The following GABRG3 variants were observed in gnomAD, a reference collection of about 807,000 sequenced individuals.
The protein encoded by GABRG3 is gamma-aminobutyric acid receptor subunit gamma-3.
A neutral mutation model predicts 48.8 loss-of-function variants in GABRG3; 25 were observed. That is an observed-to-expected ratio of 0.51 (90% CI 0.37 to 0.72). GABRG3 has a LOEUF of 0.72. Ranked by LOEUF, GABRG3 falls within the 30% of genes least tolerant of loss-of-function variation. GABRG3 has a pLI of 0.00. For synonymous variants in GABRG3, 227 were observed against 217.6 expected (o/e 1.04, Z -0.38); for missense variants, 394 against 577.9 (o/e 0.68, Z 3.26).
chr15:27,167,089 T>A (rs117878907), intron 3 of GABRG3, among the ~76,000 whole-genome samples: 162 of 152,308 alleles, frequency 1.1e-3, no homozygotes, highest in Non-Finnish European at 1.9e-3. Flanking sequence ...AGGGGCTGTC[T>A]TCTCATGCCT....
At chr15:27,099,435 C>T (rs1249061660) in intron 3 of GABRG3, among the ~76,000 whole-genome samples, 1 of 152,050 alleles carries the variant, frequency 6.6e-6, no homozygotes, top group Non-Finnish European at 1.5e-5. Context: ...CATGGTTTCC[C>T]CTGTTTGTTT....
chr15:27,346,968 T>TTTGTTTGTTTG (rs1359450794), intron 5 of GABRG3, among the ~76,000 whole-genome samples: 1 of 151,224 alleles, frequency 6.6e-6, no homozygotes, highest in Non-Finnish European at 1.5e-5. Flanking sequence ...TACATTGATT[T>TTTGTTTGTTTG]TTGTTTGTTT....
chr15:27,500,467 G>A (rs1423845968), intron 6 of GABRG3, among the ~76,000 whole-genome samples: 1 of 152,170 alleles, frequency 6.6e-6, no homozygotes, highest in Non-Finnish European at 1.5e-5. Context: ...AGAAACAGCC[G>A]CACCTGTCAA....
chr15:27,346,627 C>T (rs1894382986), intron 5 of GABRG3, among the ~76,000 whole-genome samples: 1 of 59,592 alleles, frequency 1.7e-5, no homozygotes, highest in African/African-American at 7.1e-5. Flanking sequence ...TCTAGTCTTG[C>T]TTTTTTTGAT....
intron 5 of GABRG3, among the ~76,000 whole-genome samples, chr15:27,381,778 G>A (rs532327553): frequency 3.3e-5 from 5 of 152,140 alleles, no homozygotes; most frequent in African/African-American, 7.2e-5. Flanking sequence ...TTTCTTATAC[G>A]TAGGATCCAA....
At chr15:27,053,588 G>C in intron 3 of GABRG3, among the ~76,000 whole-genome samples, 1 of 152,156 alleles carries the variant, frequency 6.6e-6, no homozygotes, top group East Asian at 1.9e-4. Context: ...ATTTCTCAAA[G>C]AAGTAAAAAC....
intron 5 of GABRG3, chr15:27,363,326 AAG>A (rs1277815778): frequency 6.6e-6 from 1 of 152,236 alleles, no homozygotes; most frequent in Non-Finnish European, 1.5e-5. Flanking sequence ...TGCCACCAGG[AAG>A]TCCCACCCAG....
At chr15:27,090,894 TCTAA>T (rs1215603372) in intron 3 of GABRG3, among the ~76,000 whole-genome samples, 1 of 152,246 alleles carries the variant, frequency 6.6e-6, no homozygotes. Context: ...GTCTATTAGC[TCTAA>T]CTGTGGGTGT....
chr15:27,338,773 C>A (rs1894065372), intron 5 of GABRG3, among the ~76,000 whole-genome samples: 1 of 152,322 alleles, frequency 6.6e-6, no homozygotes, highest in South Asian at 2.1e-4. Flanking sequence ...ACAGACAAAC[C>A]AGCAAATGTA....
At chr15:27,444,527 AAT>A (rs1299968252) in intron 5 of GABRG3, among the ~76,000 whole-genome samples, 4 of 152,104 alleles carry the variant, frequency 2.6e-5, no homozygotes, top group Non-Finnish European at 1.5e-5. Flanking sequence ...TTATGTTTTA[AAT>A]ATGTTTCTTG....
At chr15:27,373,329 C>T (rs114229223) in intron 5 of GABRG3, among the ~76,000 whole-genome samples, 20 of 152,148 alleles carry the variant, frequency 1.3e-4, no homozygotes, top group African/African-American at 4.6e-4. Context: ...ATGACAATAC[C>T]AGTTAAAGGA....
intron 2 of GABRG3, among the ~76,000 whole-genome samples, chr15:26,997,760 C>CA (rs1278605265): frequency 1.3e-5 from 2 of 152,198 alleles, no homozygotes; most frequent in Non-Finnish European, 2.9e-5. Context: ...TTTGTTATCA[C>CA]AATTTAGGAA....
At chr15:27,272,039 A>G (rs1055801866) in intron 3 of GABRG3, among the ~76,000 whole-genome samples, 4 of 152,136 alleles carry the variant, frequency 2.6e-5, no homozygotes, top group African/African-American at 9.7e-5. Context: ...GTTCAGTGGC[A>G]CTCACAAGAG....
At chr15:27,143,897 C>T (rs1262179848) in intron 3 of GABRG3, among the ~76,000 whole-genome samples, 4 of 152,178 alleles carry the variant, frequency 2.6e-5, no homozygotes, top group Middle Eastern at 3.4e-3. Context: ...AATACACCTT[C>T]GTAGTGTAGA....
chr15:27,329,278 A>T (rs566305536), intron 5 of GABRG3, among the ~76,000 whole-genome samples: 1 of 152,172 alleles, frequency 6.6e-6, no homozygotes, highest in East Asian at 1.9e-4. Flanking sequence ...TTATTTATTT[A>T]TTGAAACTGA....
chr15:27,309,310 G>A (rs1195523139), intron 3 of GABRG3, among the ~76,000 whole-genome samples: 1 of 151,488 alleles, frequency 6.6e-6, no homozygotes, highest in Non-Finnish European at 1.5e-5. Context: ...ATGTGTGTGT[G>A]TGTGTGTGTT....
At chr15:27,211,851 A>G (rs2140435197) in intron 3 of GABRG3, among the ~76,000 whole-genome samples, 2 of 152,294 alleles carry the variant, frequency 1.3e-5, no homozygotes, top group Non-Finnish European at 2.9e-5. Context: ...CATTGAGTAT[A>G]TTCTCCTAGA....
chr15:27,159,722 A>G (rs1898530297), intron 3 of GABRG3, among the ~76,000 whole-genome samples: 1 of 152,126 alleles, frequency 6.6e-6, no homozygotes, highest in African/African-American at 2.4e-5. Context: ...ATGAACCAAG[A>G]TTTGGTCAGA....
At position 27,484,093 on chromosome 15, in the gene GABRG3, C is replaced by A. The variant is rs528000119; in HGVS notation, c.712+3306C>A. ...GGGATTACAGGCTCCTGCCACCACG[C>A]CTGGCTAATTTTTTGTATTTTTAGT... On this transcript the variant is annotated intron_variant, in intron 6 of 9. Transcript: ENST00000615808. Among the ~76,000 whole-genome samples the A allele has an allele frequency of 3.3e-5, 5 of 152,254 alleles. No homozygotes were observed. The East Asian group carries it at 9.7e-4, about 29-fold the overall frequency.
Sources: gnomAD v4.1 joint callset for allele counts (sites outside exome capture counted in the v4.1 genomes callset) on GRCh38, gnomAD v4.1.1 for gene constraint, MANE v1.5 for transcripts, NCBI Gene and HGNC (gene_info 2026-07-23, HGNC 2026-07-21) for gene names.